The following RAD23A variants were observed in gnomAD, a reference collection of about 807,000 sequenced individuals.
RAD23A encodes RAD23 nucleotide excision repair protein A, also known as lysine-specific demethylase RAD23A.
A neutral mutation model predicts 44.8 loss-of-function variants in RAD23A; 16 were observed. The ratio of observed to expected loss-of-function variants is 0.36; its 90% confidence interval spans 0.24 to 0.54. The LOEUF (loss-of-function observed/expected upper bound fraction) is 0.54, where lower values mean the gene tolerates loss of function less well. RAD23A is among the 20% of genes least tolerant of loss of function. The pLI, the probability that RAD23A is intolerant of heterozygous loss-of-function variation, is 0.89. For missense variants in RAD23A, 380 were observed against 483.3 expected (o/e 0.79, Z 2.00); for synonymous variants, 217 against 202.9 (o/e 1.07, Z -0.59).
intron 7 of RAD23A, among the ~76,000 whole-genome samples, chr19:12,949,918 C>T (rs1374739512): frequency 5.9e-5 from 9 of 151,932 alleles, no homozygotes; most frequent in Admixed American, 3.9e-4. Flanking sequence ...TCTGGGTTCT[C>T]GGTGAAGTGC....
At position 12,952,798 on chromosome 19, in the gene RAD23A, C is replaced by T; in HGVS notation, c.923C>T (p.Ala308Val). 2 of 1,607,098 alleles carry T rather than the reference C, an allele frequency of 1.2e-6. No homozygotes were observed. Residue 308 changes from alanine to valine, a missense_variant, in exon 8 of 9, where the codon GCC becomes GTC. Ala to Val is a moderately conservative substitution (Grantham distance 64). Around this residue, in one of 3 missense-constraint regions of RAD23A, gnomAD observed 279 missense variants for 313.7 expected, o/e 0.89. Coordinates refer to ENST00000586534, the MANE Select transcript of RAD23A (RefSeq NM_005053.4). ...EGEVGAIGEE[A>V]PQMNYIQVTP... ...GAGGTGGGCGCCATAGGAGAGGAGG[C>T]CCCGCAGATGAACTACATCCAGGTG...
rs1971858254 is a variant in RAD23A, at chr19:12,953,015, A to G, written c.1058A>G (p.Asn353Ser). The change falls in exon 9 of 9, where the codon AAC (asparagine) becomes AGC (serine). Residue 353 changes from asparagine to serine, a missense_variant. Asn to Ser is a conservative substitution (Grantham distance 46, BLOSUM62 1). Coordinates refer to ENST00000586534, the MANE Select transcript of RAD23A (RefSeq NM_005053.4). The part of the protein sequence containing the change: ...ACEKNENLAA[N>S]FLLSQNFDDE ...GAAAAAAATGAGAACTTGGCTGCCA[A>G]CTTCCTCCTGAGTCAGAACTTTGAT... 2.5e-6 allele frequency: 4 copies of G among 1,613,794 alleles called. No individual in the cohort carries two copies. The highest frequency in any genetic ancestry group is 1.7e-6 in the Non-Finnish European group (2 of 1,179,972).
At chr19:12,946,060 T>TGGGGGGGGG in intron 1 of RAD23A, 40 bp downstream of exon 1, 1 of 1,272,660 alleles carries the variant, frequency 7.9e-7, no homozygotes. Flanking sequence ...GAGCGACGGG[T>TGGGGGGGGG]TTCGGGGGTG....
At position 12,948,650 on chromosome 19, in the gene RAD23A, T is replaced by C. The variant is rs750466696; in HGVS notation, c.473-36T>C. On this transcript the variant is annotated intron_variant, in intron 4 of 8. Coordinates refer to ENST00000586534, the MANE Select transcript of RAD23A (RefSeq NM_005053.4). This position sits in a 1 kb window ranked among gnomAD's most constrained non-coding sequence, Gnocchi z 5.5. ...AGGGCCTGGGAGCTGCCCTTTCCTC[T>C]TCCTGGTGACCTAGGCTTTGCTGCT... 1.3e-6 allele frequency: 2 copies of C among 1,598,580 alleles called. No homozygotes were observed. The highest frequency in any genetic ancestry group is 2.7e-5 in the African/African-American group (2 of 74,386).
rs557387863 is a variant in RAD23A, at chr19:12,945,954, C to G, written c.6C>G (p.Ala2=). The G allele has an allele frequency of 1.9e-6, 3 of 1,608,112 alleles. No individual in the cohort carries two copies. Among genetic ancestry groups the G allele is most frequent in the South Asian group, 2.2e-5 (2 of 90,850 alleles). M[A]VTITLKTLQQ... is the part of the protein sequence containing the mutation. ...CGCGTCGCTCGGGCCCCGCCATGGCCGTCACCATCACGCTCAAAACGCTGC... is the reference window on the plus strand; with the variant it reads ...CGCGTCGCTCGGGCCCCGCCATGGCGGTCACCATCACGCTCAAAACGCTGC... The change falls in exon 1 of 9, where the codon GCC becomes GCG. Residue 2 remains alanine, a synonymous_variant. Coordinates refer to ENST00000586534, the MANE Select transcript of RAD23A (RefSeq NM_005053.4).
Position 12,946,032 on chromosome 19 carries a change from G to A in RAD23A, c.72+12G>A, listed in dbSNP as rs763807903. On this transcript the variant is annotated intron_variant, in intron 1 of 8. Coordinates refer to ENST00000586534, the MANE Select transcript of RAD23A (RefSeq NM_005053.4). The stretch of plus-strand genomic sequence containing the variant: ...AGCCTGACGAGACGGTGCGGGCCGG[G>A]CCGGAGCCCGGGGGCGGGAGCGACG... 1 of 1,570,188 alleles carries A rather than the reference G, an allele frequency of 6.4e-7. No individual in the cohort carries two copies. Among genetic ancestry groups the A allele is most frequent in the Non-Finnish European group, 8.6e-7 (1 of 1,159,406 alleles).
intron 7 of RAD23A, among the ~76,000 whole-genome samples, chr19:12,952,111 C>T (rs905579058): frequency 4.6e-5 from 7 of 152,100 alleles, no homozygotes; most frequent in Admixed American, 3.3e-4. Flanking sequence ...TTAGTAGAGA[C>T]GGAGTTTCAC....
At chr19:12,950,056 C>T (rs1442606127) in intron 7 of RAD23A, among the ~76,000 whole-genome samples, 1 of 152,094 alleles carries the variant, frequency 6.6e-6, no homozygotes, top group Admixed American at 6.5e-5. Flanking sequence ...GTCCTGGGGC[C>T]TTCAGTCTGT....
chr19:12,948,913 CT>C lies in RAD23A; in HGVS notation c.600+103del, dbSNP rs1349371702. On this transcript the variant is annotated intron_variant, in intron 5 of 8. Coordinates refer to ENST00000586534, the MANE Select transcript of RAD23A (RefSeq NM_005053.4). This position sits in a 1 kb window ranked among gnomAD's most constrained non-coding sequence, Gnocchi z 5.5. ...GAAGGCAAAACCTGCCCTGAAAAGC[CT>C]TTGGGTAGTGATTCTAGCCACTAAA... 57 of 1,550,458 alleles carry C rather than the reference CT, an allele frequency of 3.7e-5. No homozygotes were observed. The highest frequency in any genetic ancestry group is 4.6e-5 in the Non-Finnish European group (53 of 1,144,724).
At chr19:12,946,389 G>A (rs1971674749) in intron 1 of RAD23A, among the ~76,000 whole-genome samples, 1 of 152,240 alleles carries the variant, frequency 6.6e-6, no homozygotes, top group South Asian at 2.1e-4. Context: ...GGACACTGGT[G>A]GTCGAATCTA....
In RAD23A at chr19:12,953,170, TA is replaced by T. The variant is rs971153618; in HGVS notation, c.*128del. ...AAATGGAAAAAAAAATCAAAAATCT[TA>T]AAAAAACAAGCAAACAGTCCAGCTT... On this transcript the variant is annotated 3_prime_UTR_variant, in exon 9 of 9. Transcript: ENST00000586534. 3 of 725,444 alleles carry T rather than the reference TA, an allele frequency of 4.1e-6. No homozygotes were observed. The highest frequency in any genetic ancestry group is 6.4e-6 in the Non-Finnish European group (3 of 472,076). The allele number at this position is 725,444 out of a possible 1,614,324, so 44.9% of individuals were successfully genotyped here.
chr19:12,950,616 T>A (rs1432880243), intron 7 of RAD23A, among the ~76,000 whole-genome samples: 4 of 152,258 alleles, frequency 2.6e-5, no homozygotes, highest in South Asian at 2.1e-4. Context: ...TTAGCCAGGA[T>A]GGTCTCAATC....
rs1417722670 is a variant in RAD23A, at chr19:12,948,751, G to A, written c.538G>A (p.Val180Ile). The change falls in exon 5 of 9, where the codon GTC (valine) becomes ATC (isoleucine). Residue 180 changes from valine to isoleucine, a missense_variant. Transcript: ENST00000586534. The surrounding 1 kb of genome is among the most constrained non-coding windows in gnomAD (Gnocchi z 5.5). The stretch of plus-strand genomic sequence containing the variant: ...GTCCATGGGCTATGAGCGAGAGCGG[G>A]TCGTGGCCGCCCTGAGAGCCAGCTA... ...IMSMGYERER[V>I]VAALRASYNN... 6.2e-7 allele frequency: 1 copy of A among 1,613,682 alleles called. No homozygotes were observed. The highest frequency in any genetic ancestry group is 8.5e-7 in the Non-Finnish European group (1 of 1,179,972).
Position 12,950,334 on chromosome 19 carries a change from C to T in RAD23A, c.813+926C>T, listed in dbSNP as rs56175440. On this transcript the variant is annotated intron_variant, in intron 7 of 8. Transcript: ENST00000586534. ...CACTCCAGCTCTCTGGTAGCCTCTT[C>T]CTGGGCCTCTGCCACTGCATAGTCC... Among the ~76,000 whole-genome samples, 152 of 152,312 alleles carry T rather than the reference C, an allele frequency of 1.0e-3. 1 individual carries two copies. The highest frequency in any genetic ancestry group is 3.5e-3 in the African/African-American group (144 of 41,570).
At position 12,953,495 on chromosome 19, in the gene RAD23A, T is replaced by G. The variant is rs893392140; in HGVS notation, c.*446T>G. 2 of 153,786 alleles carry G rather than the reference T, an allele frequency of 1.3e-5. No individual in the cohort carries two copies. Among genetic ancestry groups the G allele is most frequent in the East Asian group, 3.8e-4 (2 of 5,230 alleles). 9.5% of individuals were successfully genotyped at this position (153,786 alleles called of 1,614,324 possible). A position where few individuals can be genotyped will look rare whatever the true frequency, so the allele number is the denominator to read the frequency against. ...AAATCTTTCCATCTAGGGCAAGTCC[T>G]GAAAGGCCCAAGGCCCCCTCCCCAG... On this transcript the variant is annotated 3_prime_UTR_variant, in exon 9 of 9. Coordinates refer to ENST00000586534, the MANE Select transcript of RAD23A (RefSeq NM_005053.4).
intron 7 of RAD23A, among the ~76,000 whole-genome samples, chr19:12,949,991 C>T (rs1285451903): frequency 1.3e-5 from 2 of 152,054 alleles, no homozygotes; most frequent in African/African-American, 4.8e-5. Context: ...CAGTCCCTTG[C>T]CAGCTCCTCC....
intron 7 of RAD23A, chr19:12,952,291 G>T: frequency 5.8e-6 from 1 of 173,496 alleles, no homozygotes; most frequent in Admixed American, 5.6e-5. Context: ...CCGCCTCCTG[G>T]GTTCAGTCTT....
At chr19:12,949,669 A>G in intron 7 of RAD23A, 1 of 529,964 alleles carries the variant, frequency 1.9e-6, no homozygotes, top group Non-Finnish European at 3.4e-6. Context: ...TGTCATTCCC[A>G]GGGTCACGCA....
In RAD23A at chr19:12,948,433, C is replaced by T; in HGVS notation, c.417-64C>T. 1 of 1,546,556 alleles carries T rather than the reference C, an allele frequency of 6.5e-7. No homozygotes were observed. The highest frequency in any genetic ancestry group is 8.7e-7 in the Non-Finnish European group (1 of 1,145,596). On this transcript the variant is annotated intron_variant, in intron 3 of 8. Transcript: ENST00000586534. This position sits in a 1 kb window ranked among gnomAD's most constrained non-coding sequence, Gnocchi z 5.5. Reference sequence around the variant, plus strand: ...TCCAGCGTCCACATAAGTGGTCCCACACACCTGGAGGGAGGGCAAGCCGCC... The same window carrying T: ...TCCAGCGTCCACATAAGTGGTCCCATACACCTGGAGGGAGGGCAAGCCGCC...
Sources: allele counts gnomAD v4.1 joint callset (sites outside exome capture counted in the v4.1 genomes callset), GRCh38; gene constraint gnomAD v4.1.1; regional missense constraint gnomAD v4.1.1; non-coding constraint Gnocchi (gnomAD v3.1); transcripts MANE v1.5; gene names NCBI Gene and HGNC (gene_info 2026-07-23, HGNC 2026-07-21).